The following FRMPD2 variants were observed in gnomAD, a reference collection of about 807,000 sequenced individuals.
FRMPD2 encodes the protein FERM and PDZ domain-containing protein 2.
A neutral mutation model predicts 140.1 loss-of-function variants in FRMPD2; 96 were observed. The observed-to-expected ratio is 0.69, with a 90% confidence interval of 0.58 to 0.81. The LOEUF (loss-of-function observed/expected upper bound fraction) is 0.81, where lower values mean the gene tolerates loss of function less well. Ranked by LOEUF, FRMPD2 falls within the 40% of genes least tolerant of loss-of-function variation. FRMPD2 has a pLI of 0.00. For missense variants in FRMPD2, 1,240 were observed against 1,447.4 expected, an observed-to-expected ratio of 0.86 and a Z score of 2.32; for synonymous variants, 449 against 547.6, an observed-to-expected ratio of 0.82 and a Z score of 2.52.
At position 48,240,342 on chromosome 10, in the gene FRMPD2, C is replaced by T. The variant is rs1253562289; in HGVS notation, c.700+18G>A. The T allele has an allele frequency of 6.2e-7, 1 of 1,609,000 alleles. No individual in the cohort carries two copies. Among genetic ancestry groups the T allele is most frequent in the Non-Finnish European group, 8.5e-7 (1 of 1,179,562 alleles). On this transcript the variant is annotated intron_variant, in intron 6 of 28. Transcript: ENST00000374201. ...GTACCATCAGCCCACGCAGGGACTG[C>T]TTAGGGCACGTACCCACCTCTGCAA...
chr10:48,252,945 T>TGTTTGAG (rs986681102), intron 1 of FRMPD2, among the ~76,000 whole-genome samples: 1 of 152,166 alleles, frequency 6.6e-6, no homozygotes, highest in African/African-American at 2.4e-5. Context: ...CTTTAGAAAC[T>TGTTTGAG]GTTTGAGACT....
At chr10:48,220,247 C>T (rs1455543916) in intron 12 of FRMPD2, among the ~76,000 whole-genome samples, 1 of 152,070 alleles carries the variant, frequency 6.6e-6, no homozygotes, top group Non-Finnish European at 1.5e-5. Context: ...GGCATATAGA[C>T]CAATGGAACA....
rs758536691 is a variant in FRMPD2, at chr10:48,187,292, G to C, written c.2166C>G (p.Ser722Arg). Residue 722 changes from serine (S) to arginine (R), a missense_variant and splice_region_variant, in exon 17 of 29, where the codon AGC becomes AGG. Physicochemically the swap from Ser to Arg is moderately radical, Grantham distance 110. Coordinates refer to ENST00000374201, the MANE Select transcript of FRMPD2 (RefSeq NM_001018071.4). ...KEAGAEGIGRSPCTGREQLKS... is the reference protein window; with the variant it reads ...KEAGAEGIGRRPCTGREQLKS... ...TCAGCTGCTCCCGGCCAGTGCAGGG[G>C]CTGCCGGGAAAAGAAAATGAGGTTA... 24 of 1,613,448 alleles carry C rather than the reference G, an allele frequency of 1.5e-5. No homozygotes were observed. The highest frequency in any genetic ancestry group is 2.0e-5 in the Non-Finnish European group (24 of 1,179,628).
chr10:48,224,675 CA>C (rs1839683843), intron 10 of FRMPD2, among the ~76,000 whole-genome samples: 1 of 152,186 alleles, frequency 6.6e-6, no homozygotes, highest in Admixed American at 6.5e-5. Flanking sequence ...TAGAGGTAGT[CA>C]CCTTTGAGTG....
At chr10:48,172,809 T>A (rs1247612512) in intron 25 of FRMPD2, 137 bp downstream of exon 25, 17 of 808,080 alleles carry the variant, frequency 2.1e-5, no homozygotes, top group East Asian at 2.0e-4. Flanking sequence ...AAAAAGCAGA[T>A]CTCAGCATGA....
intron 1 of FRMPD2, among the ~76,000 whole-genome samples, chr10:48,272,329 G>T (rs1333901203): frequency 6.6e-6 from 1 of 152,132 alleles, no homozygotes; most frequent in East Asian, 1.9e-4. Flanking sequence ...AGAGCCAATT[G>T]TTAAATTTCC....
chr10:48,190,849 A>G (rs970701438), intron 16 of FRMPD2, among the ~76,000 whole-genome samples: 1 of 152,208 alleles, frequency 6.6e-6, no homozygotes, highest in Non-Finnish European at 1.5e-5. Context: ...CAGTCGCTGG[A>G]AGGGCCACCA....
chr10:48,177,286 A>AT lies in FRMPD2; in HGVS notation c.2895+760dup, dbSNP rs1178189739. On this transcript the variant is annotated intron_variant, in intron 22 of 28. Transcript: ENST00000374201. ...TCACATCCAGCTAATTTTTTTTTTT[A>AT]TTTTTTAGTAGAGATGGGGTTTCAC... 3.0e-4 allele frequency: 44 copies of AT among 146,674 alleles called. No homozygotes were observed. The East Asian group carries it at 8.4e-3, about 28-fold the overall frequency. 9.1% of individuals were successfully genotyped at this position (146,674 alleles called of 1,614,324 possible).
chr10:48,174,500 G>A (rs1838353576), intron 24 of FRMPD2, among the ~76,000 whole-genome samples: 2 of 152,038 alleles, frequency 1.3e-5, no homozygotes, highest in African/African-American at 4.8e-5. Flanking sequence ...ACGTAGGGAG[G>A]TAAGAAGGCC....
rs554069530 is a variant in FRMPD2 at position 48,247,950 on chromosome 10, G to A, written c.309+1071C>T. On this transcript the variant is annotated intron_variant, in intron 3 of 28. Transcript: ENST00000374201. ...CTTCCAGGATTTCAGGGGGGAGGGG[G>A]TGCTGGAGCTGGGGTCACTGGAACT... is the stretch of plus-strand genomic sequence containing the variant. Among the ~76,000 whole-genome samples, 20 of 152,282 alleles carry A rather than the reference G, an allele frequency of 1.3e-4. 1 individual carries two copies. In the South Asian group the frequency reaches 3.7e-3, roughly 28 times the overall value.
intron 16 of FRMPD2, among the ~76,000 whole-genome samples, chr10:48,188,656 T>C (rs542336359): frequency 2.6e-4 from 40 of 152,200 alleles, no homozygotes; most frequent in Non-Finnish European, 8.8e-5. Context: ...GCTCGTGTGC[T>C]CAATGGATGG....
intron 12 of FRMPD2, among the ~76,000 whole-genome samples, chr10:48,213,260 A>T (rs1224792443): frequency 6.6e-6 from 1 of 152,244 alleles, no homozygotes; most frequent in African/African-American, 2.4e-5. Flanking sequence ...GATATTGTTC[A>T]GCAGGCTAGT....
intron 4 of FRMPD2, among the ~76,000 whole-genome samples, 170 bp from the exon 5 acceptor site, chr10:48,242,522 G>A (rs540625823): frequency 6.6e-6 from 1 of 152,270 alleles, no homozygotes; most frequent in Non-Finnish European, 1.5e-5. Context: ...ATCCATCACT[G>A]AGGCCGCAAA....
rs201489776 is a variant in FRMPD2 at position 48,172,897 on chromosome 10, G to A, written c.3223+49C>T. 4.8e-4 allele frequency: 379 copies of A among 791,208 alleles called. 19 individuals carry two copies. In the East Asian group the frequency reaches 8.1e-3, roughly 17 times the overall value. The allele number at this position is 791,208 out of a possible 1,614,324, so 49.0% of individuals were successfully genotyped here. A position where few individuals can be genotyped will look rare whatever the true frequency, so the allele number is the denominator to read the frequency against. ...CCTTTTGACTTGACAATTCAAAAGCGGCACACAATAACATGACAATAGTAA... is the reference window on the plus strand; with the variant it reads ...CCTTTTGACTTGACAATTCAAAAGCAGCACACAATAACATGACAATAGTAA... On this transcript the variant is annotated intron_variant, in intron 25 of 28. Coordinates refer to ENST00000374201, the MANE Select transcript of FRMPD2 (RefSeq NM_001018071.4).
At chr10:48,192,974 T>A in intron 15 of FRMPD2, 80 bp from the exon 16 acceptor site, 1 of 1,054,198 alleles carries the variant, frequency 9.5e-7, no homozygotes, top group African/African-American at 1.6e-5. Context: ...TTGTAACATA[T>A]CACTGGGCCC....
At chr10:48,245,276 A>G (rs1031014780) in intron 3 of FRMPD2, among the ~76,000 whole-genome samples, 6 of 152,238 alleles carry the variant, frequency 3.9e-5, no homozygotes, top group African/African-American at 1.4e-4. Flanking sequence ...GAATGGAAAT[A>G]CACAGCCTGG....
At chr10:48,219,421 C>G (rs544998571) in intron 12 of FRMPD2, among the ~76,000 whole-genome samples, 2 of 152,104 alleles carry the variant, frequency 1.3e-5, no homozygotes, top group East Asian at 3.9e-4. Context: ...TGGAGACTTC[C>G]CCTCCCTTGC....
Position 48,236,528 on chromosome 10 carries a change from A to G in FRMPD2, c.947T>C (p.Leu316Ser). 6.2e-7 allele frequency: 1 copy of G among 1,614,238 alleles called. No individual in the cohort carries two copies. Among genetic ancestry groups the G allele is most frequent in the Non-Finnish European group, 8.5e-7 (1 of 1,180,020 alleles). Residue 316 changes from leucine (L) to serine (S), a missense_variant, in exon 9 of 29, where the codon TTG becomes TCG. Physicochemically the swap from Leu to Ser is moderately radical, Grantham distance 145. This residue lies in a region of FRMPD2 where 1,161 missense variants were observed against 1,055.9 expected (regional missense o/e 1.10). Transcript: ENST00000374201. ...SKFSRPEFIL[L>S]AGEAPMTLHL... ...TAGTGTCATCGGGGCCTCTCCAGCCAACAGGATGAACTCTGGCCTGGAAAA... is the reference window on the plus strand; with the variant it reads ...TAGTGTCATCGGGGCCTCTCCAGCCGACAGGATGAACTCTGGCCTGGAAAA...
rs1405840260 is a variant in FRMPD2, at chr10:48,157,465, G to A, written c.3882-95C>T. The A allele has an allele frequency of 1.3e-5, 11 of 878,052 alleles. No homozygotes were observed. The East Asian group carries it at 2.2e-4, about 18-fold the overall frequency. The allele number at this position is 878,052 out of a possible 1,614,324, so 54.4% of individuals were successfully genotyped here. A position where few individuals can be genotyped will look rare whatever the true frequency, so the allele number is the denominator to read the frequency against. On this transcript the variant is annotated intron_variant, in intron 28 of 28. Coordinates refer to ENST00000374201, the MANE Select transcript of FRMPD2 (RefSeq NM_001018071.4). ...AATCAATGGGTTGGCTTTATTATGT[G>A]CTGCTGCTCTCCTTCTCCTTTCCTG...
Sources: gnomAD v4.1 joint callset for allele counts (sites outside exome capture counted in the v4.1 genomes callset) on GRCh38, gnomAD v4.1.1 for gene constraint, gnomAD v4.1.1 regional missense constraint, MANE v1.5 for transcripts, NCBI Gene and HGNC (gene_info 2026-07-23, HGNC 2026-07-21) for gene names.